PRUNE2: variants seen among roughly 807,000 people sequenced by gnomAD.
PRUNE2 encodes protein prune homolog 2.
Under a neutral mutation model 252.0 loss-of-function variants are expected in PRUNE2, and 164 were observed. The observed-to-expected ratio is 0.65, with a 90% CI of 0.57 to 0.74. The LOEUF (loss-of-function observed/expected upper bound fraction) is 0.74, where lower values mean the gene tolerates loss of function less well. Ranked by LOEUF, PRUNE2 falls within the 30% of genes least tolerant of loss-of-function variation. The pLI, the probability that PRUNE2 is intolerant of heterozygous loss-of-function variation, is 0.00. For missense variants in PRUNE2, 3,495 were observed against 3,711.0 expected (o/e 0.94, Z 1.51); for synonymous variants, 1,292 against 1,350.2 (o/e 0.96, Z 0.94).
chr9:76,630,564 G>A (rs542266714), intron 15 of PRUNE2, among the ~76,000 whole-genome samples: 3 of 152,248 alleles, frequency 2.0e-5, no homozygotes, highest in Admixed American at 6.5e-5. Context: ...TCGCTCTGTC[G>A]CCCAGGCTGG....
At chr9:76,805,158 A>T (rs2056844279) in intron 6 of PRUNE2, among the ~76,000 whole-genome samples, 1 of 152,188 alleles carries the variant, frequency 6.6e-6, no homozygotes, top group South Asian at 2.1e-4. Context: ...ATGGGGAGAG[A>T]GGCCCAGCTG....
intron 1 of PRUNE2, among the ~76,000 whole-genome samples, chr9:76,858,777 GA>G (rs72526767): frequency 2.3e-3 from 339 of 145,826 alleles, no homozygotes; most frequent in African/African-American, 8.4e-3. Context: ...AAAAAAGAAA[GA>G]AAAAAAAAGA....
At chr9:76,788,744 G>A (rs376856414) in intron 6 of PRUNE2, among the ~76,000 whole-genome samples, 2 of 152,310 alleles carry the variant, frequency 1.3e-5, no homozygotes, top group South Asian at 4.1e-4. Flanking sequence ...TAAGAAGAGA[G>A]AGAGACTCAT....
intron 6 of PRUNE2, among the ~76,000 whole-genome samples, chr9:76,718,966 A>G (rs900024396): frequency 1.3e-5 from 2 of 152,100 alleles, no homozygotes; most frequent in Non-Finnish European, 2.9e-5. Flanking sequence ...CCTTTAAAAT[A>G]TATCTGTAGT....
chr9:76,747,733 G>A (rs1009262275), intron 6 of PRUNE2, among the ~76,000 whole-genome samples: 4 of 152,040 alleles, frequency 2.6e-5, no homozygotes, highest in Non-Finnish European at 5.9e-5. Context: ...ATCCCACTGT[G>A]GCAGTTCTTC....
In PRUNE2 at chr9:76,854,152, G is replaced by A. The variant is rs761603703; in HGVS notation, c.93C>T (p.Asp31=). ...VHVVIGPKSC[D]LDSLISTFTY... is the part of the protein sequence containing the mutation. ...TGAAGGTAGAAATGAGAGAATCCAA[G>A]TCACACGATTTAGGCCCAATAACCA... The change falls in exon 2 of 19, where the codon GAC becomes GAT. Residue 31 remains aspartate (D), a synonymous_variant. Transcript: ENST00000376718. 2.5e-6 allele frequency: 4 copies of A among 1,605,308 alleles called. No homozygotes were observed. In the Admixed American group the frequency reaches 6.7e-5, roughly 27 times the overall value.
intron 2 of PRUNE2, among the ~76,000 whole-genome samples, chr9:76,852,725 A>T (rs1202861643): frequency 1.3e-5 from 2 of 152,226 alleles, no homozygotes; most frequent in East Asian, 3.8e-4. Context: ...TTCCACATTC[A>T]TCTCCATGCT....
At chr9:76,786,089 G>A (rs1018519852) in intron 6 of PRUNE2, 7 of 152,084 alleles carry the variant, frequency 4.6e-5, no homozygotes, top group African/African-American at 7.2e-5. Flanking sequence ...TGCATCAGGC[G>A]GTTTGAGAAA....
intron 9 of PRUNE2, among the ~76,000 whole-genome samples, chr9:76,682,049 T>G (rs1377030971): frequency 2.6e-5 from 4 of 152,032 alleles, no homozygotes; most frequent in Admixed American, 2.6e-4. Flanking sequence ...GGTGACAAAA[T>G]GAGACCTCCC....
intron 9 of PRUNE2, among the ~76,000 whole-genome samples, chr9:76,702,956 G>A (rs1374254295): frequency 6.6e-6 from 1 of 152,038 alleles, no homozygotes; most frequent in African/African-American, 2.4e-5. Context: ...CCCCCCACTG[G>A]CATGTTAGGA....
intron 11 of PRUNE2, chr9:76,652,280 G>A (rs145378084): frequency 9.1e-6 from 5 of 547,972 alleles, no homozygotes; most frequent in African/African-American, 5.6e-5. Flanking sequence ...TTAATAAAGA[G>A]CAATGGTTAT....
At chr9:76,897,457 T>A (rs1028287525) in intron 1 of PRUNE2, among the ~76,000 whole-genome samples, 11 of 125,408 alleles carry the variant, frequency 8.8e-5, no homozygotes, top group Non-Finnish European at 1.6e-5. Flanking sequence ...TCATCCAGTC[T>A]GGAAGGAGTG....
chr9:76,882,299 T>G (rs532700685), intron 1 of PRUNE2, among the ~76,000 whole-genome samples: 238 of 152,328 alleles, frequency 1.6e-3, no homozygotes, highest in Non-Finnish European at 2.6e-3. Flanking sequence ...TATATGATGA[T>G]TATAATTACC....
intron 9 of PRUNE2, among the ~76,000 whole-genome samples, chr9:76,661,282 G>A (rs116150477): frequency 1.1e-3 from 168 of 152,194 alleles, no homozygotes; most frequent in African/African-American, 3.8e-3. Flanking sequence ...TGGTACAGTC[G>A]TCCAGGCTGG....
intron 6 of PRUNE2, among the ~76,000 whole-genome samples, chr9:76,726,470 C>A (rs1331539716): frequency 2.0e-5 from 3 of 152,174 alleles, no homozygotes; most frequent in Non-Finnish European, 2.9e-5. Context: ...TAGTTCCAAC[C>A]AACCAAGCCT....
intron 9 of PRUNE2, among the ~76,000 whole-genome samples, chr9:76,676,202 T>C (rs923960589): frequency 2.6e-5 from 4 of 151,210 alleles, no homozygotes; most frequent in Non-Finnish European, 4.4e-5. Flanking sequence ...CAGATGGCTT[T>C]GAATATGGCC....
intron 1 of PRUNE2, among the ~76,000 whole-genome samples, chr9:76,892,134 C>G (rs1329807882): frequency 6.6e-6 from 1 of 152,160 alleles, no homozygotes; most frequent in Non-Finnish European, 1.5e-5. Flanking sequence ...GTTTCTGTTA[C>G]GCTTGTCTCA....
At chr9:76,670,458 G>A (rs936827133) in intron 9 of PRUNE2, among the ~76,000 whole-genome samples, 7 of 151,828 alleles carry the variant, frequency 4.6e-5, no homozygotes, top group Admixed American at 1.3e-4. Flanking sequence ...ACTGCAAGGC[G>A]GCAGTGAGGC....
chr9:76,686,698 C>G (rs1382837122), intron 9 of PRUNE2, among the ~76,000 whole-genome samples: 1 of 152,158 alleles, frequency 6.6e-6, no homozygotes, highest in Non-Finnish European at 1.5e-5. Flanking sequence ...CTCAAGAGAT[C>G]CTCTCACTTT....
Sources: allele counts gnomAD v4.1 joint callset (sites outside exome capture counted in the v4.1 genomes callset), GRCh38; gene constraint gnomAD v4.1.1; transcripts MANE v1.5; gene names NCBI Gene and HGNC (gene_info 2026-07-23, HGNC 2026-07-21).